PDPN: variants seen among roughly 807,000 people sequenced by gnomAD.
The protein encoded by PDPN is podoplanin, also known as PA2.26 antigen.
In PDPN, 12 loss-of-function variants were observed where a neutral mutation model predicts 23.2. The ratio of observed to expected loss-of-function variants is 0.52; its 90% confidence interval spans 0.33 to 0.84. The LOEUF is 0.84. Among genes scored for constraint, PDPN ranks in the 40% least tolerant of loss-of-function variants. The pLI, the probability that PDPN is intolerant of heterozygous loss-of-function variation, is 0.02. For synonymous variants in PDPN, 77 were observed against 76.7 expected, an observed-to-expected ratio of 1.00 and a Z score of -0.02; for missense variants, 199 against 212.2, an observed-to-expected ratio of 0.94 and a Z score of 0.39.
intron 1 of PDPN, among the ~76,000 whole-genome samples, chr1:13,592,116 GA>G (rs1275263930): frequency 2.6e-5 from 4 of 152,298 alleles, no homozygotes; most frequent in Non-Finnish European, 5.9e-5. Context: ...TATCTTTGGA[GA>G]TATGTTTGTT....
In PDPN at chr1:13,617,234, G is replaced by C. The variant is rs916980400; in HGVS notation, c.*1323G>C. 6.6e-6 allele frequency: 1 copy of C among 151,540 alleles called. No individual in the cohort carries two copies. The highest frequency in any genetic ancestry group is 6.6e-5 in the Admixed American group (1 of 15,232). The allele number at this position is 151,540 out of a possible 1,614,324, so 9.4% of individuals were successfully genotyped here. Reference sequence around the variant, plus strand: ...TCATGATGGCGGTTGTGCAATTCTGGTATCCTCTAAATTTGTAAGCATTCA... The same window carrying C: ...TCATGATGGCGGTTGTGCAATTCTGCTATCCTCTAAATTTGTAAGCATTCA... On this transcript the variant is annotated 3_prime_UTR_variant, in exon 6 of 6. Transcript: ENST00000621990.
chr1:13,595,736 C>A, intron 1 of PDPN: 1 of 527,106 alleles, frequency 1.9e-6, no homozygotes, highest in South Asian at 1.5e-5. Flanking sequence ...ATGGGCATGG[C>A]GCTGCTCACA....
At chr1:13,600,654 C>T (rs899210933) in intron 1 of PDPN, among the ~76,000 whole-genome samples, 8 of 152,136 alleles carry the variant, frequency 5.3e-5, no homozygotes, top group South Asian at 4.1e-4. Flanking sequence ...CGTGAGCCAC[C>T]GCGTTGGGCC....
At chr1:13,603,795 G>T (rs1640710527) in intron 1 of PDPN, among the ~76,000 whole-genome samples, 1 of 152,066 alleles carries the variant, frequency 6.6e-6, no homozygotes, top group South Asian at 2.1e-4. Context: ...CACCATCTTG[G>T]CCAGGCTGGT....
chr1:13,595,849 G>C (rs946515429), intron 1 of PDPN: 12 of 1,286,966 alleles, frequency 9.3e-6, no homozygotes, highest in African/African-American at 4.6e-5. Context: ...AACAACTCGG[G>C]GGTGAAGCCT....
At chr1:13,591,975 C>T (rs1471419391) in intron 1 of PDPN, among the ~76,000 whole-genome samples, 2 of 152,234 alleles carry the variant, frequency 1.3e-5, no homozygotes, top group Non-Finnish European at 2.9e-5. Flanking sequence ...CACTTGTTCT[C>T]TTTCTCTGTG....
At chr1:13,590,370 T>C (rs1164893200) in intron 1 of PDPN, among the ~76,000 whole-genome samples, 1 of 152,278 alleles carries the variant, frequency 6.6e-6, no homozygotes, top group East Asian at 1.9e-4. Flanking sequence ...AGAAAGAACA[T>C]ACAAGCAACA....
chr1:13,612,624 C>T (rs540398610), intron 3 of PDPN, among the ~76,000 whole-genome samples: 14 of 152,284 alleles, frequency 9.2e-5, no homozygotes, highest in Admixed American at 2.6e-4. Flanking sequence ...CTCTTACGTG[C>T]TCTATACCCA....
At chr1:13,605,190 A>G (rs375843503) in intron 1 of PDPN, among the ~76,000 whole-genome samples, 43 of 101,646 alleles carry the variant, frequency 4.2e-4, no homozygotes, top group African/African-American at 1.5e-3. Context: ...TCTTAAGGCA[A>G]GGAATGGATT....
intron 1 of PDPN, among the ~76,000 whole-genome samples, chr1:13,584,898 C>T (rs1148454): frequency 0.1 from 15,249 of 152,198 alleles, 1,169 homozygotes; most frequent in East Asian, 0.45. Flanking sequence ...TTGTCCTCTC[C>T]TGGAGCCTTA....
chr1:13,587,947 C>T (rs1381135964), intron 1 of PDPN, among the ~76,000 whole-genome samples: 1 of 152,148 alleles, frequency 6.6e-6, no homozygotes, highest in African/African-American at 2.4e-5. Flanking sequence ...GCTCACCCTC[C>T]TTTTTGTCTG....
At chr1:13,604,630 G>A (rs899970329) in intron 1 of PDPN, among the ~76,000 whole-genome samples, 2 of 151,734 alleles carry the variant, frequency 1.3e-5, no homozygotes, top group Non-Finnish European at 2.9e-5. Context: ...AGCAAGGATT[G>A]TTTTAAGTTA....
At chr1:13,597,318 C>T (rs765211816) in intron 1 of PDPN, among the ~76,000 whole-genome samples, 3 of 152,172 alleles carry the variant, frequency 2.0e-5, no homozygotes, top group Admixed American at 6.5e-5. Context: ...ACTAGGGCAG[C>T]GCAAGATGCT....
chr1:13,615,632 G>C (rs1570066870), intron 5 of PDPN, among the ~76,000 whole-genome samples: 1 of 152,086 alleles, frequency 6.6e-6, no homozygotes, highest in Non-Finnish European at 1.5e-5. Flanking sequence ...TATGATGGAA[G>C]GGAGGGGAGA....
intron 5 of PDPN, among the ~76,000 whole-genome samples, chr1:13,615,106 AG>A (rs1264882686): frequency 6.6e-6 from 1 of 152,150 alleles, no homozygotes; most frequent in Non-Finnish European, 1.5e-5. Flanking sequence ...AGTTCCACTG[AG>A]GATGGGGTCT....
At chr1:13,615,754 C>T in intron 5 of PDPN, 151 bp from the exon 6 acceptor site, 1 of 776,440 alleles carries the variant, frequency 1.3e-6, no homozygotes, top group Non-Finnish European at 2.2e-6. Context: ...AGGACGAAGG[C>T]ATGGAGGAGG....
At chr1:13,590,038 G>A (rs1000166979) in intron 1 of PDPN, among the ~76,000 whole-genome samples, 3 of 152,202 alleles carry the variant, frequency 2.0e-5, no homozygotes, top group Non-Finnish European at 4.4e-5. Flanking sequence ...ATGTTGGCCA[G>A]GCTGTTCTTG....
At position 13,613,721 on chromosome 1, in the gene PDPN, G is replaced by A. The variant is rs757024425; in HGVS notation, c.366G>A (p.Glu122=). 6.7e-7 allele frequency: 1 copy of A among 1,502,688 alleles called. No individual in the cohort carries two copies. The highest frequency in any genetic ancestry group is 2.3e-5 in the East Asian group (1 of 44,292). The allele number at this position is 1,502,688 out of a possible 1,614,324, so 93.1% of individuals were successfully genotyped here. ...ATGGAGACACACAGACAACAGTTGA[G>A]AAAGGTAGGCTAGATTTTGGCATCA... ...KVDGDTQTTV[E]KDGLSTVTLV... The change falls in exon 4 of 6, where the codon GAG becomes GAA. Residue 122 remains glutamate, a synonymous_variant. Transcript: ENST00000621990.
At position 13,584,089 on chromosome 1, in the gene PDPN, T is replaced by C; in HGVS notation, c.56T>C (p.Leu19Pro). Reference sequence around the variant, plus strand: ...TTGGGAAGCGCGTCGCTCTGGGTCCTGGCAGAAGGAGGTAAGACCCAGCGC... The same window carrying C: ...TTGGGAAGCGCGTCGCTCTGGGTCCCGGCAGAAGGAGGTAAGACCCAGCGC... ...FVLGSASLWV[L>P]AEGASTGQPE... Residue 19 changes from leucine (L) to proline (P), a missense_variant, in exon 1 of 6, where the codon CTG (leucine) becomes CCG (proline). By Grantham distance (98) the Leu-to-Pro change is moderately conservative. Coordinates refer to ENST00000621990, the MANE Select transcript of PDPN (RefSeq NM_006474.5). 6.2e-7 allele frequency: 1 copy of C among 1,613,090 alleles called. No individual in the cohort carries two copies. The highest frequency in any genetic ancestry group is 8.5e-7 in the Non-Finnish European group (1 of 1,180,002).
Sources: gnomAD v4.1 joint callset for allele counts (sites outside exome capture counted in the v4.1 genomes callset) on GRCh38, gnomAD v4.1.1 for gene constraint, MANE v1.5 for transcripts, NCBI Gene and HGNC (gene_info 2026-07-23, HGNC 2026-07-21) for gene names.